The following CIMIP2C variants were observed in gnomAD, a reference collection of about 807,000 sequenced individuals.
The protein encoded by CIMIP2C is UPF0573 protein C2orf70.
chr2:26,577,664 G>GAAAC, the CIMIP2C span: 25 of 1,521,594 alleles, frequency 1.6e-5, no homozygotes, highest in Non-Finnish European at 1.0e-5. Context: ...ACGCAGTCAA[G>GAAAC]AAACGCACCC....
chr2:26,564,346 GC>G, the CIMIP2C span, among the ~76,000 whole-genome samples: 1 of 152,206 alleles, frequency 6.6e-6, no homozygotes, highest in Non-Finnish European at 1.5e-5. Flanking sequence ...ACTCTGTTTG[GC>G]AGGGGTGGGA....
the CIMIP2C span, among the ~76,000 whole-genome samples, chr2:26,570,498 G>T: frequency 4.5e-3 from 690 of 152,340 alleles, 2 homozygotes; most frequent in Non-Finnish European, 6.8e-3. Context: ...GTTCATTCGG[G>T]TCTGAGTGTG....
At chr2:26,576,076 G>A in the CIMIP2C span, 10 of 1,614,180 alleles carry the variant, frequency 6.2e-6, no homozygotes, top group African/African-American at 8.0e-5. Context: ...TCCTGCTGAT[G>A]GAGCGCGCCA....
the CIMIP2C span, among the ~76,000 whole-genome samples, chr2:26,568,230 T>TC: frequency 6.6e-6 from 1 of 152,200 alleles, no homozygotes; most frequent in African/African-American, 2.4e-5. Context: ...TCCTTCTCTA[T>TC]CCCCCCAGGA....
chr2:26,578,928 AT>A, the CIMIP2C span: 1 of 478,472 alleles, frequency 2.1e-6, no homozygotes, highest in African/African-American at 2.0e-5. Flanking sequence ...TTCTTAGAAC[AT>A]TTGTTGTGTG....
At chr2:26,567,974 C>T in the CIMIP2C span, among the ~76,000 whole-genome samples, 1 of 152,164 alleles carries the variant, frequency 6.6e-6, no homozygotes, top group Non-Finnish European at 1.5e-5. Context: ...TGTTTTCAAG[C>T]ATTTGAAAGA....
At chr2:26,563,904 G>C in the CIMIP2C span, among the ~76,000 whole-genome samples, 1 of 152,314 alleles carries the variant, frequency 6.6e-6, no homozygotes, top group Non-Finnish European at 1.5e-5. Flanking sequence ...GCCTTGGAGG[G>C]AGCTCAAAAG....
chr2:26,577,588 C>T, the CIMIP2C span: 1 of 1,614,094 alleles, frequency 6.2e-7, no homozygotes, highest in Non-Finnish European at 8.5e-7. Context: ...CTTTGCGATG[C>T]CCGTGAGGGA....
chr2:26,578,789 C>T, the CIMIP2C span: 1 of 471,248 alleles, frequency 2.1e-6, no homozygotes, highest in East Asian at 6.9e-5. Flanking sequence ...TGCCTGGCCA[C>T]TTGCACTGCT....
At chr2:26,562,604 G>A in the CIMIP2C span, 2 of 1,571,360 alleles carry the variant, frequency 1.3e-6, no homozygotes, top group Admixed American at 3.7e-5. Flanking sequence ...CTGTACTCGC[G>A]CACCCACCAT....
the CIMIP2C span, among the ~76,000 whole-genome samples, chr2:26,568,094 C>T: frequency 6.6e-6 from 1 of 152,308 alleles, no homozygotes; most frequent in Admixed American, 6.5e-5. Flanking sequence ...TTTCGTTGTT[C>T]GGTTCTCATC....
the CIMIP2C span, among the ~76,000 whole-genome samples, chr2:26,577,213 C>T: frequency 6.6e-5 from 10 of 152,292 alleles, no homozygotes; most frequent in East Asian, 1.2e-3. Flanking sequence ...GGTGTGCGTA[C>T]GCCTGCGGGG....
the CIMIP2C span, chr2:26,562,926 C>A: frequency 9.0e-5 from 50 of 558,434 alleles, no homozygotes; most frequent in East Asian, 1.6e-3. Context: ...GCAAGTGGGG[C>A]ACAGCCAGCA....
the CIMIP2C span, among the ~76,000 whole-genome samples, chr2:26,574,685 G>A: frequency 3.3e-5 from 5 of 152,180 alleles, no homozygotes; most frequent in Non-Finnish European, 7.3e-5. Flanking sequence ...TTTAAGAGGC[G>A]GGCAGAGGAG....
At chr2:26,578,052 CGTTCACATTTGGAAAAT>C in the CIMIP2C span, 38 of 168,970 alleles carry the variant, frequency 2.2e-4, no homozygotes, top group Admixed American at 7.5e-4. Flanking sequence ...CCCCCGGTCC[CGTTCACATTTGGAAAAT>C]GTTCTCCTAA....
the CIMIP2C span, chr2:26,577,893 C>T: frequency 2.2e-6 from 1 of 456,834 alleles, no homozygotes; most frequent in South Asian, 2.9e-5. Context: ...GCTCCGTAAG[C>T]TTAGTGGGCC....
chr2:26,578,508 T>C, the CIMIP2C span: 1 of 256,778 alleles, frequency 3.9e-6, no homozygotes, highest in African/African-American at 2.2e-5. Flanking sequence ...AAAGGGAACG[T>C]GAGGCTCATT....
At chr2:26,568,474 A>G in the CIMIP2C span, among the ~76,000 whole-genome samples, 1 of 152,198 alleles carries the variant, frequency 6.6e-6, no homozygotes, top group Non-Finnish European at 1.5e-5. Flanking sequence ...GGAACTGTGG[A>G]GCCCCCTAAG....
chr2:26,571,880 C>A, the CIMIP2C span, among the ~76,000 whole-genome samples: 1 of 152,004 alleles, frequency 6.6e-6, no homozygotes. Flanking sequence ...TATAATCATA[C>A]CATATTTGCT....
Sources: allele counts gnomAD v4.1 joint callset (sites outside exome capture counted in the v4.1 genomes callset), GRCh38; gene constraint gnomAD v4.1.1; transcripts MANE v1.5; gene names NCBI Gene and HGNC (gene_info 2026-07-23, HGNC 2026-07-21).